The following ZNF469 variants were observed in gnomAD, a reference collection of about 807,000 sequenced individuals.
ZNF469 encodes the protein zinc finger protein 469.
In ZNF469, 1 loss-of-function variant was observed where a neutral mutation model predicts 1.0. The observed-to-expected ratio is 1.00, with a 90% CI of 0.35 to 4.73. The LOEUF is 4.73. Among genes scored for constraint, ZNF469 ranks in the 30% most tolerant of loss-of-function variants. The pLI is 0.16. For synonymous variants in ZNF469, 2,703 were observed against 2,363.4 expected (o/e 1.14, Z -4.17); for missense variants, 6,100 against 5,356.3 (o/e 1.14, Z -4.33).
chr16:88,118,450 C>T, the ZNF469 span, among the ~76,000 whole-genome samples: 21 of 152,214 alleles, frequency 1.4e-4, no homozygotes, highest in African/African-American at 4.6e-4. Flanking sequence ...CGACCTGGTC[C>T]TGCCCGCCGT....
chr16:88,384,027 C>T (rs767778505), intron 1 of ZNF469, among the ~76,000 whole-genome samples: 8 of 152,222 alleles, frequency 5.3e-5, no homozygotes, highest in Non-Finnish European at 8.8e-5. Flanking sequence ...GGACAGGTCC[C>T]CGGCGGGGGC....
the ZNF469 span, among the ~76,000 whole-genome samples, chr16:88,143,323 C>T: frequency 6.6e-6 from 1 of 152,224 alleles, no homozygotes; most frequent in African/African-American, 2.4e-5. Context: ...CACTCAGGGC[C>T]GTCTCCAGCC....
At position 88,428,113 on chromosome 16, in the gene ZNF469, G is replaced by C. The variant is rs750321195; in HGVS notation, c.643G>C (p.Gly215Arg). The C allele has an allele frequency of 3.2e-6, 5 of 1,549,880 alleles. No individual in the cohort carries two copies. The South Asian group carries it at 5.9e-5, about 18-fold the overall frequency. ...PPAPGPPQSR[G>R]TSPLQPGSYP... ...AGCCCCGGGGCCCCCCCAGAGCAGG[G>C]GCACCAGCCCCCTCCAGCCCGGTTC... Residue 215 changes from glycine (G) to arginine (R), a missense_variant, in exon 3 of 3, where the codon GGC (glycine) becomes CGC (arginine). Physicochemically the swap from Gly to Arg is moderately radical, Grantham distance 125. Transcript: ENST00000565624.
the ZNF469 span, among the ~76,000 whole-genome samples, chr16:88,130,093 G>A: frequency 4.6e-5 from 7 of 152,162 alleles, no homozygotes; most frequent in African/African-American, 9.7e-5. Context: ...TGCGTGGGTC[G>A]GCAGAGTTGG....
chr16:88,324,224 G>T, the ZNF469 span, among the ~76,000 whole-genome samples: 3 of 152,254 alleles, frequency 2.0e-5, no homozygotes, highest in African/African-American at 7.2e-5. Flanking sequence ...TGTCAGTTTC[G>T]GACCGCCAGC....
At chr16:88,412,230 C>T (rs959867486) in intron 1 of ZNF469, among the ~76,000 whole-genome samples, 5 of 152,232 alleles carry the variant, frequency 3.3e-5, no homozygotes, top group Non-Finnish European at 7.3e-5. Context: ...CGAAGTAACA[C>T]GTCTGCCAGT....
At chr16:88,308,717 T>C in the ZNF469 span, among the ~76,000 whole-genome samples, 1 of 152,176 alleles carries the variant, frequency 6.6e-6, no homozygotes, top group Admixed American at 6.5e-5. Context: ...GTCCATGGGA[T>C]GCAAAGCACA....
chr16:88,122,492 T>A, the ZNF469 span, among the ~76,000 whole-genome samples: 5 of 146,320 alleles, frequency 3.4e-5, no homozygotes, highest in Admixed American at 6.8e-5. Context: ...TCACTCGCTA[T>A]GGCCACGGCG....
At chr16:88,341,254 G>T in the ZNF469 span, among the ~76,000 whole-genome samples, 1 of 152,188 alleles carries the variant, frequency 6.6e-6, no homozygotes, top group African/African-American at 2.4e-5. Flanking sequence ...CTGGTGCACT[G>T]AATGCTGGGG....
rs555406841 is a variant in ZNF469 at position 88,439,237 on chromosome 16, C to T, written c.11767C>T (p.Arg3923Trp). 2.7e-5 allele frequency: 42 copies of T among 1,550,386 alleles called. No individual in the cohort carries two copies. Among genetic ancestry groups the T allele is most frequent in the Middle Eastern group, 1.7e-4 (1 of 6,014 alleles). The change falls in exon 3 of 3, where the codon CGG (arginine) becomes TGG (tryptophan). Residue 3923 changes from arginine (R) to tryptophan (W), a missense_variant. Transcript: ENST00000565624. ...TGAACCTGCCGAGCCACACACCCACCGGACGGCCGAGGCCCAGAGTGACCT... is the reference window on the plus strand; with the variant it reads ...TGAACCTGCCGAGCCACACACCCACTGGACGGCCGAGGCCCAGAGTGACCT... ...GAEPAEPHTH[R>W]TAEAQSDLLS...
chr16:88,429,933 C>G lies in ZNF469; in HGVS notation c.2463C>G (p.Ala821=). The change falls in exon 3 of 3, where the codon GCC becomes GCG. Residue 821 remains alanine (A), a synonymous_variant. Coordinates refer to ENST00000565624, the MANE Select transcript of ZNF469 (RefSeq NM_001367624.2). ...GGACAGGCTTCCTGCCCAGCCTGGCCGCCACCCCCTTCCCGCTCCCTGCCT... is the reference window on the plus strand; with the variant it reads ...GGACAGGCTTCCTGCCCAGCCTGGCGGCCACCCCCTTCCCGCTCCCTGCCT... The part of the protein sequence containing the change: ...PLRTGFLPSL[A]ATPFPLPASD... 1 of 1,550,204 alleles carries G rather than the reference C, an allele frequency of 6.5e-7. No individual in the cohort carries two copies. The highest frequency in any genetic ancestry group is 8.7e-7 in the Non-Finnish European group (1 of 1,146,912).
At chr16:88,347,419 C>G in the ZNF469 span, among the ~76,000 whole-genome samples, 1 of 152,138 alleles carries the variant, frequency 6.6e-6, no homozygotes, top group Non-Finnish European at 1.5e-5. Flanking sequence ...CGGGCACACC[C>G]AGAGAGACGG....
the ZNF469 span, among the ~76,000 whole-genome samples, chr16:88,107,575 T>G: frequency 9.8e-5 from 15 of 152,344 alleles, no homozygotes; most frequent in African/African-American, 3.4e-4. Flanking sequence ...ACCATGCCAC[T>G]GCCGTGCACA....
chr16:88,191,757 A>G, the ZNF469 span: 1 of 152,218 alleles, frequency 6.6e-6, no homozygotes, highest in African/African-American at 2.4e-5. Context: ...TTAAAACAGA[A>G]CAATGAACAA....
chr16:88,138,154 A>C, the ZNF469 span, among the ~76,000 whole-genome samples: 1 of 151,996 alleles, frequency 6.6e-6, no homozygotes, highest in Non-Finnish European at 1.5e-5. Context: ...TGTTCCATGG[A>C]CTCTTTTGGC....
upstream of ZNF469, among the ~76,000 whole-genome samples, chr16:88,380,790 ATGCACTCACAC>A (rs2092520547): frequency 1.1e-5 from 1 of 87,904 alleles, no homozygotes; most frequent in Non-Finnish European, 1.9e-5. Context: ...ACTCACACAC[ATGCACTCACAC>A]ATGCACACAC....
the ZNF469 span, among the ~76,000 whole-genome samples, chr16:88,104,757 C>T: frequency 4.5e-3 from 681 of 152,336 alleles, 3 homozygotes; most frequent in African/African-American, 0.015. Flanking sequence ...TCTGTGATCC[C>T]GTTTTCTGCC....
chr16:88,251,943 A>G, the ZNF469 span, among the ~76,000 whole-genome samples: 1 of 149,996 alleles, frequency 6.7e-6, no homozygotes, highest in Non-Finnish European at 1.5e-5. Context: ...CGGGGCAGGC[A>G]GCCATGGATC....
chr16:88,242,367 C>T, the ZNF469 span, among the ~76,000 whole-genome samples: 30 of 152,330 alleles, frequency 2.0e-4, no homozygotes, highest in South Asian at 6.0e-3. Context: ...AGTCAGGGTG[C>T]CGGCAAGGCT....
Sources: gnomAD v4.1 joint callset for allele counts (sites outside exome capture counted in the v4.1 genomes callset) on GRCh38, gnomAD v4.1.1 for gene constraint, MANE v1.5 for transcripts, NCBI Gene and HGNC (gene_info 2026-07-23, HGNC 2026-07-21) for gene names.